SHC3: variants seen among roughly 807,000 people sequenced by gnomAD.
The protein encoded by SHC3 is SHC-transforming protein 3.
A neutral mutation model predicts 60.4 loss-of-function variants in SHC3; 15 were observed. That is an observed-to-expected ratio of 0.25 (90% CI 0.17 to 0.38). The LOEUF (loss-of-function observed/expected upper bound fraction) is 0.38. Among genes scored for constraint, SHC3 ranks in the 10% least tolerant of loss-of-function variants. The pLI, the probability that SHC3 is intolerant of heterozygous loss-of-function variation, is 1.00. For synonymous variants in SHC3, 294 were observed against 325.9 expected (o/e 0.90, Z 1.05); for missense variants, 677 against 786.1 (o/e 0.86, Z 1.66).
chr9:89,166,679 G>A (rs540475118), intron 1 of SHC3, among the ~76,000 whole-genome samples: 9 of 152,222 alleles, frequency 5.9e-5, no homozygotes, highest in African/African-American at 1.4e-4. Context: ...GGGAGAAGCC[G>A]ATCACTGCAT....
intron 2 of SHC3, among the ~76,000 whole-genome samples, chr9:89,103,225 GGA>G (rs904808336): frequency 1.5e-4 from 22 of 147,066 alleles, no homozygotes; most frequent in African/African-American, 5.4e-4. Context: ...GGAAACTGAA[GGA>G]GAGAGAGAGA....
In SHC3 at chr9:89,079,570, T is replaced by A. The variant is rs1587715002; in HGVS notation, c.546-1667A>T. On this transcript the variant is annotated intron_variant, in intron 2 of 11. Coordinates refer to ENST00000375835, the MANE Select transcript of SHC3 (RefSeq NM_016848.6). ...AAAAATCAGACTCCAAGGACAGTTA[T>A]CCAAAAAGACACATAGTATCAAATG... Among the ~76,000 whole-genome samples the A allele has an allele frequency of 4.6e-5, 7 of 152,266 alleles. 1 individual carries two copies. In the South Asian group the frequency reaches 1.4e-3, roughly 32 times the overall value.
Position 89,077,824 on chromosome 9 carries a change from G to C in SHC3, c.609+16C>G, listed in dbSNP as rs563187716. The C allele has an allele frequency of 6.2e-7, 1 of 1,614,112 alleles. No individual in the cohort carries two copies. The highest frequency in any genetic ancestry group is 2.2e-5 in the East Asian group (1 of 44,894). Reference sequence around the variant, plus strand: ...TAGAGGAGACACAGTTAGACACAGAGCATTGAGGACAGTACCTTTCTCTTC... The same window carrying C: ...TAGAGGAGACACAGTTAGACACAGACCATTGAGGACAGTACCTTTCTCTTC... On this transcript the variant is annotated intron_variant, in intron 3 of 11. Coordinates refer to ENST00000375835, the MANE Select transcript of SHC3 (RefSeq NM_016848.6).
At chr9:89,050,910 T>TTC (rs1554691064) in intron 7 of SHC3, among the ~76,000 whole-genome samples, 9 of 152,098 alleles carry the variant, frequency 5.9e-5, no homozygotes, top group Non-Finnish European at 1.0e-4. Flanking sequence ...GTTCTTTTTT[T>TTC]TTTTTTAATA....
At chr9:89,166,055 C>T (rs2118255242) in intron 1 of SHC3, among the ~76,000 whole-genome samples, 1 of 152,300 alleles carries the variant, frequency 6.6e-6, no homozygotes, top group African/African-American at 2.4e-5. Context: ...CCGTCTGGTT[C>T]CACACACTCC....
At chr9:89,028,732 T>TA (rs1336105506) in intron 11 of SHC3, among the ~76,000 whole-genome samples, 14 of 143,336 alleles carry the variant, frequency 9.8e-5, no homozygotes, top group African/African-American at 3.6e-4. Context: ...AGAATATATA[T>TA]TCTCTATATA....
At chr9:89,044,845 G>A (rs1293233574) in intron 9 of SHC3, among the ~76,000 whole-genome samples, 3 of 152,198 alleles carry the variant, frequency 2.0e-5, no homozygotes, top group Non-Finnish European at 2.9e-5. Context: ...AATGTGTGAT[G>A]TAGGTGCATA....
At chr9:89,108,939 G>T in intron 2 of SHC3, 1 of 512,874 alleles carries the variant, frequency 1.9e-6, no homozygotes, top group Non-Finnish European at 2.5e-6. Context: ...AGATCCCACT[G>T]CCCTGCATCT....
At chr9:89,055,030 T>C (rs1184286397) in intron 6 of SHC3, among the ~76,000 whole-genome samples, 2 of 152,358 alleles carry the variant, frequency 1.3e-5, no homozygotes, top group South Asian at 2.1e-4. Context: ...ATAACTGAGA[T>C]GGGCAACTTG....
At chr9:89,092,360 G>A (rs1048250501) in intron 2 of SHC3, among the ~76,000 whole-genome samples, 1 of 152,182 alleles carries the variant, frequency 6.6e-6, no homozygotes, top group Non-Finnish European at 1.5e-5. Context: ...GCTCACGCCT[G>A]TAATCCCAGC....
chr9:89,146,372 A>G (rs1429261227), intron 1 of SHC3, among the ~76,000 whole-genome samples: 1 of 151,448 alleles, frequency 6.6e-6, no homozygotes, highest in African/African-American at 2.4e-5. Context: ...ACAAAACAAA[A>G]CAAAACAAAA....
chr9:89,109,798 C>T (rs775400155), intron 2 of SHC3: 76 of 985,358 alleles, frequency 7.7e-5, no homozygotes, highest in Non-Finnish European at 9.0e-5. Context: ...AGACTCAAAG[C>T]CATGCTGAAT....
At chr9:89,150,796 C>T (rs530329599) in intron 1 of SHC3, among the ~76,000 whole-genome samples, 233 of 152,304 alleles carry the variant, frequency 1.5e-3, no homozygotes, top group Middle Eastern at 6.8e-3. Flanking sequence ...TTTTCCAAAG[C>T]AGCTGTACTA....
At chr9:89,016,036 A>T (rs1281222870) in intron 11 of SHC3, among the ~76,000 whole-genome samples, 1 of 152,216 alleles carries the variant, frequency 6.6e-6, no homozygotes, top group Non-Finnish European at 1.5e-5. Context: ...ATAAATTGAA[A>T]ACAGCAAATC....
chr9:89,125,858 C>T (rs750582379), intron 1 of SHC3, among the ~76,000 whole-genome samples: 14 of 152,172 alleles, frequency 9.2e-5, no homozygotes, highest in Non-Finnish European at 2.9e-5. Flanking sequence ...ACCCATTGTT[C>T]AGCAAATAAT....
chr9:89,074,315 C>G (rs1327079460), intron 4 of SHC3, among the ~76,000 whole-genome samples: 1 of 152,108 alleles, frequency 6.6e-6, no homozygotes, highest in Non-Finnish European at 1.5e-5. Context: ...ATAGCCAGCC[C>G]CAGAAGCTGA....
intron 2 of SHC3, among the ~76,000 whole-genome samples, chr9:89,092,169 G>A (rs1021397709): frequency 6.6e-6 from 1 of 152,232 alleles, no homozygotes; most frequent in Admixed American, 6.5e-5. Flanking sequence ...AATTTCAGGA[G>A]TCATCTGCAG....
At chr9:89,083,446 C>G (rs190732787) in intron 2 of SHC3, among the ~76,000 whole-genome samples, 1 of 152,330 alleles carries the variant, frequency 6.6e-6, no homozygotes, top group African/African-American at 2.4e-5. Context: ...AAGGCAGAAC[C>G]ATGGAGGTTT....
intron 2 of SHC3, among the ~76,000 whole-genome samples, chr9:89,083,830 C>T (rs545217236): frequency 7.2e-5 from 11 of 152,132 alleles, no homozygotes; most frequent in African/African-American, 1.7e-4. Context: ...TGTCTGAGAG[C>T]TGGATTTGCA....
Sources: gnomAD v4.1 joint callset for allele counts (sites outside exome capture counted in the v4.1 genomes callset) on GRCh38, gnomAD v4.1.1 for gene constraint, MANE v1.5 for transcripts, NCBI Gene and HGNC (gene_info 2026-07-23, HGNC 2026-07-21) for gene names.